Variants in PLCXD2 observed in about 807,000 individuals in gnomAD.
PLCXD2 encodes the protein phosphatidylinositol specific phospholipase C X domain containing 2.
PLCXD2 carries 21 observed loss-of-function variants against 28.6 expected under a neutral mutation model. The observed-to-expected ratio is 0.73, with a 90% CI of 0.52 to 1.06. The LOEUF (loss-of-function observed/expected upper bound fraction) is 1.06. Among genes scored for constraint, PLCXD2 ranks in the 50% least tolerant of loss-of-function variants. The pLI is 0.00. For missense variants in PLCXD2, 369 were observed against 376.7 expected, an observed-to-expected ratio of 0.98 and a Z score of 0.17; for synonymous variants, 140 against 150.1, an observed-to-expected ratio of 0.93 and a Z score of 0.49.
intron 1 of PLCXD2, among the ~76,000 whole-genome samples, chr3:111,690,365 C>T (rs1379356449): frequency 1.3e-5 from 2 of 152,078 alleles, no homozygotes; most frequent in East Asian, 3.8e-4. Context: ...TCTGGCTGAA[C>T]AAGTTACATT....
chr3:111,689,799 A>T (rs1940848081), intron 1 of PLCXD2, among the ~76,000 whole-genome samples: 1 of 152,230 alleles, frequency 6.6e-6, no homozygotes, highest in Non-Finnish European at 1.5e-5. Context: ...TTAAGGAGAA[A>T]CTAGGACAGG....
chr3:111,684,255 G>A (rs957600217), intron 1 of PLCXD2, among the ~76,000 whole-genome samples: 3 of 150,936 alleles, frequency 2.0e-5, no homozygotes, highest in African/African-American at 7.3e-5. Flanking sequence ...GCTTGAACCC[G>A]GGAGGCAGAG....
chr3:111,718,131 C>A (rs1280864148), intron 3 of PLCXD2, among the ~76,000 whole-genome samples: 1 of 151,942 alleles, frequency 6.6e-6, no homozygotes. Flanking sequence ...ATGGAAGTAC[C>A]CCTGGGAGGG....
chr3:111,712,643 G>A (rs373028580), intron 2 of PLCXD2, among the ~76,000 whole-genome samples: 1 of 152,136 alleles, frequency 6.6e-6, no homozygotes, highest in African/African-American at 2.4e-5. Context: ...AGTTAGTCAG[G>A]CACCTTAGTC....
At chr3:111,703,747 G>A (rs1198087097) in intron 1 of PLCXD2, among the ~76,000 whole-genome samples, 1 of 152,186 alleles carries the variant, frequency 6.6e-6, no homozygotes, top group Non-Finnish European at 1.5e-5. Context: ...GCCAAAGGAA[G>A]CAGAGCAGTA....
At chr3:111,701,947 G>A (rs1158941555) in intron 1 of PLCXD2, among the ~76,000 whole-genome samples, 6 of 152,132 alleles carry the variant, frequency 3.9e-5, no homozygotes, top group Non-Finnish European at 5.9e-5. Context: ...TTGAAAATAC[G>A]CACTTTGTTG....
At chr3:111,683,534 T>A (rs1320441716) in intron 1 of PLCXD2, among the ~76,000 whole-genome samples, 2 of 152,208 alleles carry the variant, frequency 1.3e-5, no homozygotes, top group East Asian at 3.9e-4. Flanking sequence ...TTAGGGATAC[T>A]GTGGGTTAAG....
At chr3:111,714,161 T>A in intron 3 of PLCXD2, 33 bp downstream of exon 3, 1 of 1,599,506 alleles carries the variant, frequency 6.3e-7, no homozygotes, top group South Asian at 1.1e-5. Context: ...CAAGGAAAGC[T>A]TTTTAAAAAA....
intron 1 of PLCXD2, among the ~76,000 whole-genome samples, chr3:111,687,449 G>A (rs187099113): frequency 2.2e-4 from 34 of 152,218 alleles, no homozygotes; most frequent in East Asian, 5.8e-4. Flanking sequence ...ACCATAAGGC[G>A]TACTTATATG....
intron 3 of PLCXD2, 117 bp downstream of exon 3, chr3:111,714,245 C>G (rs1228903761): frequency 7.5e-7 from 1 of 1,333,602 alleles, no homozygotes; most frequent in Non-Finnish European, 1.0e-6. Flanking sequence ...AACAACAAAA[C>G]AAGCAAAAAA....
chr3:111,714,086 C>G lies in PLCXD2; in HGVS notation c.824C>G (p.Ala275Gly). 2 of 1,614,130 alleles carry G rather than the reference C, an allele frequency of 1.2e-6. No homozygotes were observed. Among genetic ancestry groups the G allele is most frequent in the Non-Finnish European group, 1.7e-6 (2 of 1,180,032 alleles). ...CTCACCCCCAGAGTGAAGACCATTG[C>G]CCGGGGCTTGGTTGGGGGCCTCAAG... Residue 275 changes from alanine to glycine, a missense_variant, in exon 3 of 5, where the codon GCC becomes GGC. Ala to Gly is a moderately conservative substitution (Grantham distance 60). Coordinates refer to ENST00000477665, the MANE Select transcript of PLCXD2 (RefSeq NM_001185106.1).
chr3:111,680,312 A>G (rs1382521724), intron 1 of PLCXD2, among the ~76,000 whole-genome samples: 1 of 152,138 alleles, frequency 6.6e-6, no homozygotes, highest in African/African-American at 2.4e-5. Flanking sequence ...CACAAAATAA[A>G]TTGTGTAACA....
At chr3:111,684,151 G>A (rs1475788273) in intron 1 of PLCXD2, among the ~76,000 whole-genome samples, 1 of 152,022 alleles carries the variant, frequency 6.6e-6, no homozygotes, top group African/African-American at 2.4e-5. Context: ...CCAACATGGT[G>A]AAACTCCATC....
chr3:111,722,291 T>C (rs923181586), intron 3 of PLCXD2: 26 of 152,134 alleles, frequency 1.7e-4, no homozygotes, highest in African/African-American at 6.3e-4. Flanking sequence ...TTACCCAGGA[T>C]AGATGCTGCT....
intron 3 of PLCXD2, among the ~76,000 whole-genome samples, chr3:111,717,333 T>A (rs1941280105): frequency 6.6e-6 from 1 of 151,866 alleles, no homozygotes; most frequent in South Asian, 2.1e-4. Flanking sequence ...GGCCCCAAGG[T>A]CAAAGGGAAG....
chr3:111,693,368 C>T (rs567799849), intron 1 of PLCXD2, among the ~76,000 whole-genome samples: 18 of 152,258 alleles, frequency 1.2e-4, no homozygotes, highest in East Asian at 3.9e-4. Flanking sequence ...TCTGAGCCTC[C>T]GCAGTGACGA....
intron 3 of PLCXD2, among the ~76,000 whole-genome samples, chr3:111,716,019 T>C (rs571110383): frequency 4.6e-5 from 7 of 152,242 alleles, no homozygotes; most frequent in African/African-American, 1.7e-4. Flanking sequence ...GATGTTGGCA[T>C]GCGCCCAAAG....
chr3:111,684,422 G>A (rs1004428025), intron 1 of PLCXD2, among the ~76,000 whole-genome samples: 1 of 151,202 alleles, frequency 6.6e-6, no homozygotes, highest in Admixed American at 6.6e-5. Context: ...GGAAAGCCGA[G>A]GCTGGTGGAT....
At chr3:111,687,636 A>G (rs2107844076) in intron 1 of PLCXD2, among the ~76,000 whole-genome samples, 1 of 152,130 alleles carries the variant, frequency 6.6e-6, no homozygotes, top group Middle Eastern at 3.4e-3. Context: ...GCATTTAAGA[A>G]CACATGTTCA....
Sources: gnomAD v4.1 joint callset for allele counts (sites outside exome capture counted in the v4.1 genomes callset) on GRCh38, gnomAD v4.1.1 for gene constraint, MANE v1.5 for transcripts, NCBI Gene and HGNC (gene_info 2026-07-23, HGNC 2026-07-21) for gene names.